The following PTPRT variants were observed in gnomAD, a reference collection of about 807,000 sequenced individuals.
PTPRT encodes the protein receptor-type tyrosine-protein phosphatase T.
PTPRT carries 56 observed loss-of-function variants against 176.8 expected under a neutral mutation model. The ratio of observed to expected loss-of-function variants is 0.32; its 90% CI spans 0.26 to 0.40. PTPRT has a LOEUF of 0.40. Among genes scored for constraint, PTPRT ranks in the 10% least tolerant of loss-of-function variants. The pLI is 1.00. For missense variants in PTPRT, 1,540 were observed against 1,908.2 expected, an observed-to-expected ratio of 0.81 and a Z score of 3.60; for synonymous variants, 783 against 739.0, an observed-to-expected ratio of 1.06 and a Z score of -0.96.
the PTPRT span, among the ~76,000 whole-genome samples, chr20:42,042,634 T>C: frequency 0.033 from 5,089 of 152,270 alleles, 111 homozygotes; most frequent in South Asian, 0.069. Context: ...AGTACCTCCC[T>C]CATATCAGTT....
intron 7 of PTPRT, among the ~76,000 whole-genome samples, chr20:42,478,338 C>T (rs2071326666): frequency 6.6e-6 from 1 of 152,158 alleles, no homozygotes; most frequent in African/African-American, 2.4e-5. Flanking sequence ...TCAGAACCTT[C>T]TCCATTCTTA....
At chr20:42,754,009 C>T (rs1044823107) in intron 6 of PTPRT, among the ~76,000 whole-genome samples, 30 of 152,118 alleles carry the variant, frequency 2.0e-4, no homozygotes, top group Non-Finnish European at 4.0e-4. Context: ...CCATGAGGAG[C>T]GGGAATGAAC....
At chr20:42,438,914 A>G (rs1435326453) in intron 9 of PTPRT, among the ~76,000 whole-genome samples, 1 of 152,238 alleles carries the variant, frequency 6.6e-6, no homozygotes, top group Non-Finnish European at 1.5e-5. Flanking sequence ...CAATCCTAAT[A>G]TACCACAAGT....
At chr20:42,578,185 G>A (rs1432459252) in intron 7 of PTPRT, among the ~76,000 whole-genome samples, 2 of 152,104 alleles carry the variant, frequency 1.3e-5, no homozygotes, top group South Asian at 2.1e-4. Context: ...GAGAGTCTAC[G>A]AGTTGAGATT....
chr20:42,945,240 C>T (rs994624479), intron 1 of PTPRT, among the ~76,000 whole-genome samples: 20 of 151,734 alleles, frequency 1.3e-4, no homozygotes, highest in African/African-American at 4.6e-4. Flanking sequence ...TAGGCCTCAC[C>T]GGTTCCATTT....
In PTPRT at chr20:42,315,840, A is replaced by G. The variant is rs930455029; in HGVS notation, c.2022T>C (p.Pro674=). Residue 674 remains proline, a synonymous_variant, in exon 12 of 31, where the codon CCT becomes CCC. Coordinates refer to ENST00000373187, the MANE Select transcript of PTPRT (RefSeq NM_007050.6). ...CACCCACTGTAAATGGCTGGGTGACAGGCAGGTTGGCAGGCTTCAACTCAG... is the reference window on the plus strand; with the variant it reads ...CACCCACTGTAAATGGCTGGGTGACGGGCAGGTTGGCAGGCTTCAACTCAG... The part of the protein sequence containing the change: ...FAAELKPANL[P]VTQPFTVGDN... The G allele has an allele frequency of 1.9e-6, 3 of 1,614,188 alleles. No homozygotes were observed. The highest frequency in any genetic ancestry group is 1.6e-4 in the Middle Eastern group (1 of 6,062).
In PTPRT at chr20:42,615,916, T is replaced by G. The variant is rs1283836582; in HGVS notation, c.1153+61950A>C. Among the ~76,000 whole-genome samples the G allele has an allele frequency of 2.5e-5, 3 of 118,862 alleles. 1 individual carries two copies. Among genetic ancestry groups the G allele is most frequent in the Non-Finnish European group, 5.0e-5 (3 of 59,658 alleles). 78.0% of individuals were successfully genotyped at this position (118,862 alleles called of 152,430 possible). A position where few individuals can be genotyped will look rare whatever the true frequency, so the allele number is the denominator to read the frequency against. Reference sequence around the variant, plus strand: ...TGTTCACTCTGATGGTAGTTTCTTTTGCTGTGCAGAAGCTCTTTAGTTTAA... The same window carrying G: ...TGTTCACTCTGATGGTAGTTTCTTTGGCTGTGCAGAAGCTCTTTAGTTTAA... On this transcript the variant is annotated intron_variant, in intron 7 of 30. Coordinates refer to ENST00000373187, the MANE Select transcript of PTPRT (RefSeq NM_007050.6).
At position 43,015,313 on chromosome 20, in the gene PTPRT, A is replaced by G. The variant is rs933347753; in HGVS notation, c.89-129381T>C. On this transcript the variant is annotated intron_variant, in intron 1 of 30. Coordinates refer to ENST00000373187, the MANE Select transcript of PTPRT (RefSeq NM_007050.6). Reference sequence around the variant, plus strand: ...CCTTCCACATCTGCAAAATGAAGTGATAATTCCTATCTTTTCGGCCAAACT... The same window carrying G: ...CCTTCCACATCTGCAAAATGAAGTGGTAATTCCTATCTTTTCGGCCAAACT... Among the ~76,000 whole-genome samples, 5 of 152,234 alleles carry G rather than the reference A, an allele frequency of 3.3e-5. 1 individual carries two copies. Among genetic ancestry groups the G allele is most frequent in the Middle Eastern group, 6.3e-3 (2 of 316 alleles).
At chr20:42,398,012 T>C (rs1034768006) in intron 9 of PTPRT, among the ~76,000 whole-genome samples, 2 of 152,120 alleles carry the variant, frequency 1.3e-5, no homozygotes, top group Non-Finnish European at 1.5e-5. Context: ...CACTGTAAAT[T>C]TGAGGAAACT....
intron 7 of PTPRT, among the ~76,000 whole-genome samples, chr20:42,488,168 T>C (rs543261100): frequency 2.5e-4 from 38 of 152,292 alleles, no homozygotes; most frequent in East Asian, 1.5e-3. Flanking sequence ...CACTGTTTGC[T>C]TCTTACTCAT....
intron 7 of PTPRT, among the ~76,000 whole-genome samples, chr20:42,584,838 T>C (rs779169205): frequency 1.4e-4 from 22 of 152,176 alleles, no homozygotes; most frequent in Admixed American, 1.3e-4. Context: ...CACACGTTCT[T>C]GGATAGAAAT....
intron 6 of PTPRT, among the ~76,000 whole-genome samples, chr20:42,732,157 T>TAA (rs11086849): frequency 2.4e-4 from 37 of 151,886 alleles, no homozygotes; most frequent in Non-Finnish European, 4.4e-4. Context: ...TAAACTTTTC[T>TAA]AAAAAAAATA....
intron 1 of PTPRT, among the ~76,000 whole-genome samples, chr20:43,109,307 C>G (rs1414096471): frequency 6.6e-6 from 1 of 152,260 alleles, no homozygotes; most frequent in South Asian, 2.1e-4. Context: ...AGGGCTGAGT[C>G]CTCTTGCTGA....
At chr20:42,982,617 T>C (rs1435055121) in intron 1 of PTPRT, among the ~76,000 whole-genome samples, 1 of 152,190 alleles carries the variant, frequency 6.6e-6, no homozygotes, top group African/African-American at 2.4e-5. Flanking sequence ...GTGACCAGTG[T>C]AGATGGATCG....
rs180758936 is a variant in PTPRT, at chr20:43,045,684, A to G, written c.88+143962T>C. ...CACTATGTTGCCCAGGCTGGTCTCA[A>G]ACTCCCGGGCTCAATCAATCCTCCT... On this transcript the variant is annotated intron_variant, in intron 1 of 30. Coordinates refer to ENST00000373187, the MANE Select transcript of PTPRT (RefSeq NM_007050.6). Among the ~76,000 whole-genome samples, 97 of 150,176 alleles carry G rather than the reference A, an allele frequency of 6.5e-4. No individual in the cohort carries two copies. The East Asian group carries it at 0.016, about 25-fold the overall frequency.
chr20:42,441,385 A>G (rs1477519982), intron 9 of PTPRT, among the ~76,000 whole-genome samples: 1 of 152,192 alleles, frequency 6.6e-6, no homozygotes, highest in Non-Finnish European at 1.5e-5. Flanking sequence ...GCTGCCAGGA[A>G]CTGGGTGAGC....
chr20:43,029,633 A>C (rs898847644), intron 1 of PTPRT, among the ~76,000 whole-genome samples: 1 of 152,196 alleles, frequency 6.6e-6, no homozygotes, highest in Admixed American at 6.5e-5. Flanking sequence ...CCTGCCATTG[A>C]TATTAGTCTT....
At chr20:42,285,215 A>T (rs2057209799) in intron 12 of PTPRT, among the ~76,000 whole-genome samples, 2 of 152,040 alleles carry the variant, frequency 1.3e-5, no homozygotes, top group South Asian at 4.1e-4. Context: ...CAGAACACTG[A>T]AGAAGACATG....
rs77318682 is a variant in PTPRT, at chr20:42,646,524, T to C, written c.1153+31342A>G. Among the ~76,000 whole-genome samples the C allele has an allele frequency of 3.9e-5, 6 of 152,228 alleles. No individual in the cohort carries two copies. In the East Asian group the frequency reaches 1.2e-3, roughly 29 times the overall value. On this transcript the variant is annotated intron_variant, in intron 7 of 30. Transcript: ENST00000373187. Reference sequence around the variant, plus strand: ...CCCTAGAGCTGCACTTCCAATATGGTAGCCATTGGCCATATGTGGATATTT... The same window carrying C: ...CCCTAGAGCTGCACTTCCAATATGGCAGCCATTGGCCATATGTGGATATTT...
Sources: allele counts gnomAD v4.1 joint callset (sites outside exome capture counted in the v4.1 genomes callset), GRCh38; gene constraint gnomAD v4.1.1; transcripts MANE v1.5; gene names NCBI Gene and HGNC (gene_info 2026-07-23, HGNC 2026-07-21).